The following ZZEF1 variants were observed in gnomAD, a reference collection of about 807,000 sequenced individuals.
ZZEF1 encodes zinc finger ZZ-type and EF-hand domain containing 1.
In ZZEF1, 157 loss-of-function variants were observed where a neutral mutation model predicts 342.8. The ratio of observed to expected loss-of-function variants is 0.46; its 90% confidence interval spans 0.40 to 0.52. The LOEUF (loss-of-function observed/expected upper bound fraction) is 0.52, where lower values mean the gene tolerates loss of function less well. Among genes scored for constraint, ZZEF1 ranks in the 20% least tolerant of loss-of-function variants. The pLI is 0.00. For missense variants in ZZEF1, 3,480 were observed against 3,725.6 expected (o/e 0.93, Z 1.72); for synonymous variants, 1,505 against 1,429.1 (o/e 1.05, Z -1.20).
At chr17:4,012,122 C>T (rs1174222582) in intron 52 of ZZEF1, among the ~76,000 whole-genome samples, 1 of 152,238 alleles carries the variant, frequency 6.6e-6, no homozygotes, top group Non-Finnish European at 1.5e-5. Context: ...TTTCCTGCTG[C>T]AGGCAAGAAG....
chr17:4,137,635 C>T (rs1228107224), intron 1 of ZZEF1, among the ~76,000 whole-genome samples: 1 of 152,138 alleles, frequency 6.6e-6, no homozygotes, highest in African/African-American at 2.4e-5. Context: ...AATCTCCACT[C>T]ACCAAGGATC....
At chr17:4,044,454 TAGCCAGTCTTCATAGACTAAAAAAC>T (rs2056868187) in intron 37 of ZZEF1, 80 bp from the exon 38 acceptor site, 2 of 1,352,922 alleles carry the variant, frequency 1.5e-6, no homozygotes, top group African/African-American at 3.0e-5. Context: ...TTTTAATGAT[TAGCCAGTCTTCATAGACTAAAAAAC>T]TTTTGAATGC....
At chr17:4,059,521 T>C (rs576830022) in intron 30 of ZZEF1, among the ~76,000 whole-genome samples, 28 of 152,292 alleles carry the variant, frequency 1.8e-4, no homozygotes, top group African/African-American at 6.5e-4. Flanking sequence ...TGAGATTATT[T>C]ATCTTCTTTG....
intron 42 of ZZEF1, among the ~76,000 whole-genome samples, chr17:4,026,979 C>A (rs1016350437): frequency 5.3e-5 from 8 of 152,158 alleles, no homozygotes; most frequent in African/African-American, 1.9e-4. Context: ...AAATAATGTT[C>A]AGCGCAGTTT....
At chr17:4,060,873 A>G (rs935778598) in intron 30 of ZZEF1, among the ~76,000 whole-genome samples, 1 of 152,114 alleles carries the variant, frequency 6.6e-6, no homozygotes, top group Non-Finnish European at 1.5e-5. Context: ...TCAAAGGCCA[A>G]TCTCTCAACT....
intron 39 of ZZEF1, among the ~76,000 whole-genome samples, chr17:4,039,611 A>C (rs1385826859): frequency 1.3e-5 from 2 of 151,526 alleles, no homozygotes; most frequent in African/African-American, 2.4e-5. Context: ...AGAAAAGCAA[A>C]TGATGCTGGG....
At chr17:4,129,886 A>G (rs905689450) in intron 1 of ZZEF1, among the ~76,000 whole-genome samples, 5 of 152,236 alleles carry the variant, frequency 3.3e-5, no homozygotes, top group Non-Finnish European at 7.3e-5. Context: ...GCTGGAGGCC[A>G]CTATCCTTAG....
At chr17:4,082,771 T>A (rs2057747997) in intron 16 of ZZEF1, among the ~76,000 whole-genome samples, 1 of 152,112 alleles carries the variant, frequency 6.6e-6, no homozygotes, top group Non-Finnish European at 1.5e-5. Flanking sequence ...AATGACCTCA[T>A]AAAGAGATAT....
At chr17:4,062,656 A>T in intron 30 of ZZEF1, 97 bp downstream of exon 30, 1 of 1,334,796 alleles carries the variant, frequency 7.5e-7, no homozygotes, top group Non-Finnish European at 1.0e-6. Flanking sequence ...TTTGTATCCT[A>T]CATAGAAATG....
At position 4,112,086 on chromosome 17, in the gene ZZEF1, ATATATATGTTT is replaced by A. The variant is rs1278186362; in HGVS notation, c.1066+512_1066+522del. 1.3e-3 allele frequency among the ~76,000 whole-genome samples: 61 copies of A among 47,400 alleles called. 3 individuals carry two copies. Among genetic ancestry groups the A allele is most frequent in the African/African-American group, 2.0e-3 (22 of 10,868 alleles). 31.1% of individuals were successfully genotyped at this position (47,400 alleles called of 152,430 possible). ...TATATATATATATATATATATATATATATATATGTTTTGTTTTGTTTTTAATGAAAAAAATG... is the reference window on the plus strand; with the variant it reads ...TATATATATATATATATATATATATATGTTTTGTTTTTAATGAAAAAAATG... On this transcript the variant is annotated intron_variant, in intron 5 of 54. Coordinates refer to ENST00000381638, the MANE Select transcript of ZZEF1 (RefSeq NM_015113.4).
chr17:4,084,949 A>C (rs2057791858), intron 16 of ZZEF1, among the ~76,000 whole-genome samples: 1 of 152,020 alleles, frequency 6.6e-6, no homozygotes, highest in Non-Finnish European at 1.5e-5. Flanking sequence ...TCATCTCTAC[A>C]AAAAATACAA....
At chr17:4,063,538 T>A (rs530576810) in intron 29 of ZZEF1, among the ~76,000 whole-genome samples, 1 of 152,358 alleles carries the variant, frequency 6.6e-6, no homozygotes, top group South Asian at 2.1e-4. Context: ...ATAAACAGTA[T>A]AATATATAAA....
intron 1 of ZZEF1, among the ~76,000 whole-genome samples, chr17:4,130,959 C>A (rs1006424602): frequency 6.6e-6 from 1 of 152,122 alleles, no homozygotes; most frequent in Non-Finnish European, 1.5e-5. Context: ...ACATGGAAGC[C>A]AGAAGGCAAT....
intron 2 of ZZEF1, among the ~76,000 whole-genome samples, chr17:4,121,232 A>T (rs1387420302): frequency 1.3e-5 from 2 of 152,190 alleles, no homozygotes; most frequent in Admixed American, 6.5e-5. Context: ...TTTCCTCCCC[A>T]AAACTGTCTG....
chr17:4,130,762 G>A (rs1244592214), intron 1 of ZZEF1, among the ~76,000 whole-genome samples: 1 of 152,142 alleles, frequency 6.6e-6, no homozygotes, highest in Non-Finnish European at 1.5e-5. Flanking sequence ...TACGATTCAA[G>A]ATCATTTCCC....
Position 4,066,473 on chromosome 17 carries a change from G to C in ZZEF1, c.4223C>G (p.Ala1408Gly), listed in dbSNP as rs2057399021. Residue 1408 changes from alanine to glycine, a missense_variant, in exon 28 of 55, where the codon GCT (alanine) becomes GGT (glycine). By Grantham distance (60) the Ala-to-Gly change is moderately conservative. This residue lies in a region of ZZEF1 where 1,528 missense variants were observed against 1,624.1 expected (regional missense o/e 0.94). Coordinates refer to ENST00000381638, the MANE Select transcript of ZZEF1 (RefSeq NM_015113.4). ...CAGGCTCTCAGGGTTCACCTCAGTA[G>C]CTTCTGAACTATGTTTTTCTTCTGC... ...NEAEEKHSSE[A>G]TEVNPESLAK... 1 of 1,614,004 alleles carries C rather than the reference G, an allele frequency of 6.2e-7. No individual in the cohort carries two copies. The highest frequency in any genetic ancestry group is 1.3e-5 in the African/African-American group (1 of 74,918).
At chr17:4,138,159 A>G (rs942932200) in intron 1 of ZZEF1, among the ~76,000 whole-genome samples, 1 of 152,198 alleles carries the variant, frequency 6.6e-6, no homozygotes, top group African/African-American at 2.4e-5. Flanking sequence ...TGGGTAGTGG[A>G]GAGCTGAGGG....
intron 2 of ZZEF1, among the ~76,000 whole-genome samples, chr17:4,117,659 A>AAAAAAAAC: frequency 6.6e-6 from 1 of 151,756 alleles, no homozygotes; most frequent in Non-Finnish European, 1.5e-5. Context: ...AAAAAAAAAA[A>AAAAAAAAC]AAAAAAAAAG....
intron 52 of ZZEF1, among the ~76,000 whole-genome samples, chr17:4,010,231 C>G (rs1207150376): frequency 2.0e-5 from 3 of 151,538 alleles, no homozygotes; most frequent in Non-Finnish European, 4.4e-5. Context: ...CTGTGTGTGA[C>G]AGCACCCAGC....
Sources: allele counts gnomAD v4.1 joint callset (sites outside exome capture counted in the v4.1 genomes callset), GRCh38; gene constraint gnomAD v4.1.1; regional missense constraint gnomAD v4.1.1; transcripts MANE v1.5; gene names NCBI Gene and HGNC (gene_info 2026-07-23, HGNC 2026-07-21).